GPD2: variants seen among roughly 807,000 people sequenced by gnomAD.
The protein encoded by GPD2 is glycerol-3-phosphate dehydrogenase, mitochondrial.
A neutral mutation model predicts 82.4 loss-of-function variants in GPD2; 54 were observed. The observed-to-expected ratio is 0.66, with a 90% CI of 0.53 to 0.82. The LOEUF (loss-of-function observed/expected upper bound fraction) is 0.82. Among genes scored for constraint, GPD2 ranks in the 40% least tolerant of loss-of-function variants. GPD2 has a pLI of 0.00. For synonymous variants in GPD2, 288 were observed against 306.1 expected, an observed-to-expected ratio of 0.94 and a Z score of 0.62; for missense variants, 748 against 896.2, an observed-to-expected ratio of 0.83 and a Z score of 2.11.
At chr2:156,564,226 T>C (rs555157977) in intron 9 of GPD2, among the ~76,000 whole-genome samples, 41 of 152,280 alleles carry the variant, frequency 2.7e-4, no homozygotes, top group African/African-American at 8.7e-4. Context: ...ATTACTCTTA[T>C]TTATCTTCAC....
chr2:156,527,521 A>G (rs1390003471), intron 6 of GPD2, among the ~76,000 whole-genome samples: 1 of 152,084 alleles, frequency 6.6e-6, no homozygotes, highest in African/African-American at 2.4e-5. Context: ...ACATACAGGC[A>G]CACGCAACTA....
the GPD2 span, among the ~76,000 whole-genome samples, chr2:156,407,873 T>C: frequency 9.2e-5 from 14 of 152,240 alleles, no homozygotes; most frequent in South Asian, 1.0e-3. Flanking sequence ...GCATTTATTA[T>C]ATTACTCTTT....
the GPD2 span, among the ~76,000 whole-genome samples, chr2:156,418,201 C>G: frequency 6.7e-6 from 1 of 150,372 alleles, no homozygotes; most frequent in Admixed American, 6.7e-5. Flanking sequence ...AGTGACAGAG[C>G]AAGACTCCGT....
At chr2:156,441,364 C>T (rs1206968926) in intron 1 of GPD2, among the ~76,000 whole-genome samples, 3 of 152,018 alleles carry the variant, frequency 2.0e-5, no homozygotes, top group African/African-American at 7.3e-5. Context: ...TCAGCCTGGG[C>T]CACGTGGAGA....
Position 156,582,866 on chromosome 2 carries a change from A to G in GPD2, c.2132A>G (p.Asn711Ser), listed in dbSNP as rs565600966. The change falls in exon 17 of 17, where the codon AAC becomes AGC. Residue 711 changes from asparagine to serine, a missense_variant. Transcript: ENST00000438166. ...LAILMKTAEENLDRRVPIPVD... is the reference protein window; with the variant it reads ...LAILMKTAEESLDRRVPIPVD... ...ATACTAATGAAAACTGCAGAAGAGAACCTCGACAGAAGAGTTCCAATTCCA... is the reference window on the plus strand; with the variant it reads ...ATACTAATGAAAACTGCAGAAGAGAGCCTCGACAGAAGAGTTCCAATTCCA... 59 of 1,613,136 alleles carry G rather than the reference A, an allele frequency of 3.7e-5. No homozygotes were observed. Among genetic ancestry groups the G allele is most frequent in the Non-Finnish European group, 5.0e-5 (59 of 1,179,260 alleles).
intron 1 of GPD2, among the ~76,000 whole-genome samples, chr2:156,443,880 A>T (rs1445109772): frequency 6.6e-6 from 1 of 152,210 alleles, no homozygotes; most frequent in Non-Finnish European, 1.5e-5. Flanking sequence ...AAGATGACTT[A>T]CAAAAATTAC....
At chr2:156,567,972 G>A (rs1353661634) in intron 9 of GPD2, among the ~76,000 whole-genome samples, 1 of 152,090 alleles carries the variant, frequency 6.6e-6, no homozygotes, top group Non-Finnish European at 1.5e-5. Flanking sequence ...CAAGTATAAT[G>A]TACCTACTGG....
At chr2:156,400,742 T>C in the GPD2 span, among the ~76,000 whole-genome samples, 46 of 152,354 alleles carry the variant, frequency 3.0e-4, no homozygotes, top group African/African-American at 9.1e-4. Flanking sequence ...TGAATGAGTA[T>C]GGACACCAGA....
At chr2:156,555,180 A>G (rs1686915943) in intron 8 of GPD2, among the ~76,000 whole-genome samples, 1 of 152,176 alleles carries the variant, frequency 6.6e-6, no homozygotes. Context: ...AAATTTTTAT[A>G]CCATTCGTTA....
In GPD2 at chr2:156,513,318, C is replaced by T; in HGVS notation, c.498-15C>T. The T allele has an allele frequency of 6.3e-7, 1 of 1,586,968 alleles. No homozygotes were observed. Among genetic ancestry groups the T allele is most frequent in the Non-Finnish European group, 8.6e-7 (1 of 1,157,150 alleles). On this transcript the variant is annotated splice_polypyrimidine_tract_variant and intron_variant, in intron 5 of 16. Transcript: ENST00000438166. ...CTCTGTTTCTGAAGAACTTTCCCCCCTATTTATGCTGTAGGTGGTGGCAGT... is the reference window on the plus strand; with the variant it reads ...CTCTGTTTCTGAAGAACTTTCCCCCTTATTTATGCTGTAGGTGGTGGCAGT...
intron 6 of GPD2, among the ~76,000 whole-genome samples, chr2:156,525,476 G>T (rs1431611803): frequency 1.3e-5 from 2 of 152,154 alleles, no homozygotes; most frequent in Non-Finnish European, 2.9e-5. Flanking sequence ...AAGGTTCATT[G>T]CTACTGGTTG....
Position 156,496,095 on chromosome 2 carries a change from A to G in GPD2, c.154A>G (p.Arg52Gly), listed in dbSNP as rs1684362736. 1.2e-6 allele frequency: 2 copies of G among 1,612,772 alleles called. No homozygotes were observed. The highest frequency in any genetic ancestry group is 1.7e-6 in the Non-Finnish European group (2 of 1,178,790). ...AGACTGCATTTCAGAACCAGTTAAC[A>G]GGGAGCCTCCTTCCAGAGAAGCTCA... ...AADCISEPVN[R>G]EPPSREAQLL... Residue 52 changes from arginine (R) to glycine (G), a missense_variant, in exon 3 of 17, where the codon AGG (arginine) becomes GGG (glycine). By Grantham distance (125) the Arg-to-Gly change is moderately radical (BLOSUM62 -2). This residue lies in a region of GPD2 where 692 missense variants were observed against 809.7 expected (regional missense o/e 0.85). Coordinates refer to ENST00000438166, the MANE Select transcript of GPD2 (RefSeq NM_000408.5).
intron 2 of GPD2, among the ~76,000 whole-genome samples, chr2:156,485,250 TC>T (rs1683896961): frequency 6.6e-6 from 1 of 152,206 alleles, no homozygotes; most frequent in South Asian, 2.1e-4. Context: ...AATGTTAAAA[TC>T]AAATAAAATG....
At chr2:156,468,531 T>A (rs1045789243) in intron 1 of GPD2, among the ~76,000 whole-genome samples, 3 of 152,046 alleles carry the variant, frequency 2.0e-5, no homozygotes, top group African/African-American at 7.3e-5. Context: ...ATTTGCTACC[T>A]TTGGACCACA....
intron 9 of GPD2, among the ~76,000 whole-genome samples, chr2:156,568,332 G>A (rs963932096): frequency 2.6e-5 from 4 of 152,148 alleles, no homozygotes; most frequent in Non-Finnish European, 5.9e-5. Context: ...AAACACTCAG[G>A]AAGAGGGTGG....
At position 156,469,651 on chromosome 2, in the gene GPD2, G is replaced by A. The variant is rs142419701; in HGVS notation, c.-8-6447G>A. Among the ~76,000 whole-genome samples the A allele has an allele frequency of 3.1e-3, 474 of 152,212 alleles. 1 individual carries two copies. Among genetic ancestry groups the A allele is most frequent in the Middle Eastern group, 0.01 (3 of 294 alleles). On this transcript the variant is annotated intron_variant, in intron 1 of 16. Coordinates refer to ENST00000438166, the MANE Select transcript of GPD2 (RefSeq NM_000408.5). ...TGTCTTGCTGGAGAATGCATGCCCCGAGGACAGCAAGGCTGGTCGTTGAAA... is the reference window on the plus strand; with the variant it reads ...TGTCTTGCTGGAGAATGCATGCCCCAAGGACAGCAAGGCTGGTCGTTGAAA...
the GPD2 span, among the ~76,000 whole-genome samples, chr2:156,426,335 C>G: frequency 6.6e-6 from 1 of 152,310 alleles, no homozygotes; most frequent in East Asian, 1.9e-4. Flanking sequence ...AAGCAAGACA[C>G]CTTCTTCACA....
chr2:156,486,529 G>A (rs140436596), intron 2 of GPD2, among the ~76,000 whole-genome samples: 8 of 152,224 alleles, frequency 5.3e-5, no homozygotes, highest in African/African-American at 1.4e-4. Context: ...TGTTGTAGAC[G>A]GAGGAAACTT....
In GPD2 at chr2:156,549,720, C is replaced by A; in HGVS notation, c.774C>A (p.Pro258=). 6.2e-7 allele frequency: 1 copy of A among 1,614,028 alleles called. No homozygotes were observed. The highest frequency in any genetic ancestry group is 8.5e-7 in the Non-Finnish European group (1 of 1,179,892). The change falls in exon 7 of 17, where the codon CCC becomes CCA. Residue 258 remains proline, a synonymous_variant. Coordinates refer to ENST00000438166, the MANE Select transcript of GPD2 (RefSeq NM_000408.5). ...TGAGCTTGCTCAAGAAGACAGACCC[C>A]CAGACAGGGAAAGTGCGTGTGAGCG... ...EVVSLLKKTD[P]QTGKVRVSGA... is the part of the protein sequence containing the mutation.
Sources: allele counts gnomAD v4.1 joint callset (sites outside exome capture counted in the v4.1 genomes callset), GRCh38; gene constraint gnomAD v4.1.1; regional missense constraint gnomAD v4.1.1; transcripts MANE v1.5; gene names NCBI Gene and HGNC (gene_info 2026-07-23, HGNC 2026-07-21).